AGBL5: variants seen among roughly 807,000 people sequenced by gnomAD.
AGBL5 encodes the protein AGBL carboxypeptidase 5.
In AGBL5, 51 loss-of-function variants were observed where a neutral mutation model predicts 88.0. That is an observed-to-expected ratio of 0.58 (90% CI 0.46 to 0.73). The LOEUF is 0.73. Among genes scored for constraint, AGBL5 ranks in the 30% least tolerant of loss-of-function variants. The probability of loss-of-function intolerance (pLI) is 0.00; values close to 1 mark genes in which losing one functional copy is unlikely to be tolerated. For synonymous variants in AGBL5, 446 were observed against 438.8 expected, an observed-to-expected ratio of 1.02 and a Z score of -0.21; for missense variants, 1,031 against 1,162.2, an observed-to-expected ratio of 0.89 and a Z score of 1.64.
chr2:27,053,763 C>T lies in AGBL5; in HGVS notation c.388-133C>T. The T allele has an allele frequency of 7.1e-7, 1 of 1,404,468 alleles. No homozygotes were observed. The highest frequency in any genetic ancestry group is 1.4e-5 in the South Asian group (1 of 70,290). 87.0% of individuals were successfully genotyped at this position (1,404,468 alleles called of 1,614,324 possible). ...AGGAAGCCTAGAAGGAGCCACTTTT[C>T]ATATAGAAAGTGTCACAGGGAGGGA... On this transcript the variant is annotated intron_variant, in intron 3 of 14. Transcript: ENST00000360131. This position sits in a 1 kb window ranked among gnomAD's most constrained non-coding sequence, Gnocchi z 4.9.
intron 11 of AGBL5, among the ~76,000 whole-genome samples, chr2:27,063,312 G>T (rs1405050559): frequency 6.6e-6 from 1 of 152,316 alleles, no homozygotes; most frequent in Non-Finnish European, 1.5e-5. Flanking sequence ...GCTTGTCTCG[G>T]CCGGGCGTGG....
chr2:27,069,727 C>G, intron 14 of AGBL5, 21 bp downstream of exon 14: 1 of 1,600,222 alleles, frequency 6.2e-7, no homozygotes. Flanking sequence ...GGGTCCAGTC[C>G]CTCACACCAC....
chr2:27,054,424 A>G, intron 4 of AGBL5: 1 of 592,112 alleles, frequency 1.7e-6, no homozygotes, highest in Non-Finnish European at 2.9e-6. Context: ...AAACTGGGGA[A>G]CAACAAGTTC....
intron 11 of AGBL5, 170 bp downstream of exon 11, chr2:27,059,574 A>G (rs1325123519): frequency 1.3e-5 from 19 of 1,456,690 alleles, no homozygotes; most frequent in Non-Finnish European, 1.6e-5. Context: ...TCCCTGCGGC[A>G]TGATTCCAGA....
chr2:27,053,764 A>C lies in AGBL5; in HGVS notation c.388-132A>C. The C allele has an allele frequency of 1.4e-6, 2 of 1,413,448 alleles. No individual in the cohort carries two copies. Among genetic ancestry groups the C allele is most frequent in the South Asian group, 2.8e-5 (2 of 70,600 alleles). 87.6% of individuals were successfully genotyped at this position (1,413,448 alleles called of 1,614,324 possible). ...GGAAGCCTAGAAGGAGCCACTTTTC[A>C]TATAGAAAGTGTCACAGGGAGGGAA... On this transcript the variant is annotated intron_variant, in intron 3 of 14. Transcript: ENST00000360131. The surrounding 1 kb of genome is among the most constrained non-coding windows in gnomAD (Gnocchi z 4.9).
Position 27,059,562 on chromosome 2 carries a change from G to A in AGBL5, c.2089+158G>A, listed in dbSNP as rs59780024. 3,172 of 1,484,116 alleles carry A rather than the reference G, an allele frequency of 2.1e-3. 71 individuals carry two copies. In the African/African-American group the frequency reaches 0.04, roughly 19 times the overall value. The allele number at this position is 1,484,116 out of a possible 1,614,324, so 91.9% of individuals were successfully genotyped here. A position where few individuals can be genotyped will look rare whatever the true frequency, so the allele number is the denominator to read the frequency against. On this transcript the variant is annotated intron_variant, in intron 11 of 14. Transcript: ENST00000360131. ...CTGTGGCCTCTCCTACGACCTTGGT[G>A]TTCCCTGCGGCATGATTCCAGAGCG...
chr2:27,053,104 C>G lies in AGBL5; in HGVS notation c.146C>G (p.Ser49Cys), dbSNP rs758440284. ...GCCCTGACCAGTGGCATTGCCTCTT[C>G]CCCTGACTATGAATTCAACGTGTGG... ...ASALTSGIASSPDYEFNVWTR... is the reference protein window; with the variant it reads ...ASALTSGIASCPDYEFNVWTR... The change falls in exon 2 of 15, where the codon TCC becomes TGC. Residue 49 changes from serine (S) to cysteine (C), a missense_variant. Ser to Cys is a moderately radical substitution (Grantham distance 112, BLOSUM62 -1). Coordinates refer to ENST00000360131, the MANE Select transcript of AGBL5 (RefSeq NM_021831.6). The surrounding 1 kb of genome is among the most constrained non-coding windows in gnomAD (Gnocchi z 4.9). The G allele has an allele frequency of 6.2e-7, 1 of 1,612,920 alleles. No individual in the cohort carries two copies. Among genetic ancestry groups the G allele is most frequent in the East Asian group, 2.2e-5 (1 of 44,852 alleles).
intron 13 of AGBL5, 192 bp from the exon 14 acceptor site, chr2:27,069,381 A>G: frequency 1.0e-6 from 1 of 985,444 alleles, no homozygotes; most frequent in Non-Finnish European, 1.2e-6. Flanking sequence ...CTTGGAGTGC[A>G]TAGTCATGGA....
intron 1 of AGBL5, 30 bp from the exon 2 acceptor site, chr2:27,052,883 C>T: frequency 3.0e-6 from 4 of 1,335,764 alleles, no homozygotes; most frequent in Non-Finnish European, 4.0e-6. Flanking sequence ...CTTCCCTTTC[C>T]TCCTTAACCT....
intron 12 of AGBL5, 103 bp downstream of exon 12, chr2:27,067,749 T>C (rs768891922): frequency 7.7e-7 from 1 of 1,292,162 alleles, no homozygotes; most frequent in South Asian, 1.3e-5. Context: ...ACTTATCCTC[T>C]TGGTATCCTA....
chr2:27,067,899 A>C (rs1426701263), intron 12 of AGBL5: 3 of 538,954 alleles, frequency 5.6e-6, no homozygotes, highest in Non-Finnish European at 1.0e-5. Flanking sequence ...TTATCAGTTG[A>C]GGAACCTGAA....
Position 27,055,125 on chromosome 2 carries a change from T to C in AGBL5, c.780T>C (p.Phe260=), listed in dbSNP as rs17005799. The C allele has an allele frequency of 2.5e-3, 4,085 of 1,614,220 alleles. 96 individuals are homozygous for C. The African/African-American group carries it at 0.048, about 19-fold the overall frequency. The stretch of plus-strand genomic sequence containing the variant: ...ACCCAGGGGAGACTCCATCTAGCTT[T>C]GTCTTCAATGGCTTTCTGGACTTCA... ...RVHPGETPSS[F]VFNGFLDFIL... Residue 260 remains phenylalanine, a synonymous_variant, in exon 6 of 15, where the codon TTT becomes TTC. Coordinates refer to ENST00000360131, the MANE Select transcript of AGBL5 (RefSeq NM_021831.6).
In AGBL5 at chr2:27,055,945, A is replaced by C; in HGVS notation, c.1172A>C (p.Gln391Pro). 1.2e-6 allele frequency: 2 copies of C among 1,614,250 alleles called. No individual in the cohort carries two copies. Among genetic ancestry groups the C allele is most frequent in the Non-Finnish European group, 1.7e-6 (2 of 1,180,046 alleles). Residue 391 changes from glutamine to proline, a missense_variant, in exon 7 of 15, where the codon CAA (glutamine) becomes CCA (proline). By Grantham distance (76) the Gln-to-Pro change is moderately conservative. Transcript: ENST00000360131. The stretch of plus-strand genomic sequence containing the variant: ...AGGCATAACGCTGAAGCCTGGAAAC[A>C]AACAGAGCCAGCAGAACAGAAGCTC... ...ADRHNAEAWK[Q>P]TEPAEQKLNS...
At chr2:27,057,744 C>A (rs556193794) in intron 9 of AGBL5, among the ~76,000 whole-genome samples, 3 of 152,290 alleles carry the variant, frequency 2.0e-5, no homozygotes, top group South Asian at 2.1e-4. Context: ...CTCAAAAGCA[C>A]CCTGACTGTA....
chr2:27,060,396 A>G (rs2148288332), intron 11 of AGBL5, among the ~76,000 whole-genome samples: 1 of 152,332 alleles, frequency 6.6e-6, no homozygotes, highest in South Asian at 2.1e-4. Flanking sequence ...AGAGAAAATT[A>G]ACGGGAGTAA....
Position 27,057,407 on chromosome 2 carries a change from C to G in AGBL5, c.1640C>G (p.Pro547Arg). 1 of 1,613,654 alleles carries G rather than the reference C, an allele frequency of 6.2e-7. No homozygotes were observed. The highest frequency in any genetic ancestry group is 8.5e-7 in the Non-Finnish European group (1 of 1,179,780). The stretch of plus-strand genomic sequence containing the variant: ...AGCCCCCCTCCCCCGCCGGCTTTCC[C>G]CTCCAGATACACTGTGGAACTATTT... ...RASPPPPPAFPSRYTVELFEQ... is the reference protein window; with the variant it reads ...RASPPPPPAFRSRYTVELFEQ... The change falls in exon 9 of 15, where the codon CCC (proline) becomes CGC (arginine). Residue 547 changes from proline (P) to arginine (R), a missense_variant. Around this residue, in one of 2 missense-constraint regions of AGBL5, gnomAD observed 491 missense variants for 484.0 expected, o/e 1.01. Transcript: ENST00000360131.
chr2:27,054,900 G>C, intron 5 of AGBL5, 93 bp downstream of exon 5: 1 of 1,522,800 alleles, frequency 6.6e-7, no homozygotes, highest in Non-Finnish European at 8.9e-7. Context: ...TAGGCATCTT[G>C]GACATGGCCT....
In AGBL5 at chr2:27,059,361, T is replaced by C; in HGVS notation, c.2046T>C (p.Ser682=). ...CTGCAGGGCTGCCAGGCCTGGGCTC[T>C]AGTACCCAAAAGGTCACCCACCGGG... ...SRPAGLPGLG[S]STQKVTHRVL... Residue 682 remains serine (S), a synonymous_variant, in exon 11 of 15, where the codon TCT becomes TCC. Coordinates refer to ENST00000360131, the MANE Select transcript of AGBL5 (RefSeq NM_021831.6). The C allele has an allele frequency of 6.2e-7, 1 of 1,614,222 alleles. No individual in the cohort carries two copies. Among genetic ancestry groups the C allele is most frequent in the South Asian group, 1.1e-5 (1 of 91,090 alleles).
At chr2:27,054,304 C>A in intron 4 of AGBL5, 1 of 555,874 alleles carries the variant, frequency 1.8e-6, no homozygotes, top group Non-Finnish European at 3.1e-6. Flanking sequence ...GCCCAGCTCC[C>A]ATTAATTATC....
Sources: allele counts gnomAD v4.1 joint callset (sites outside exome capture counted in the v4.1 genomes callset), GRCh38; gene constraint gnomAD v4.1.1; regional missense constraint gnomAD v4.1.1; non-coding constraint Gnocchi (gnomAD v3.1); transcripts MANE v1.5; gene names NCBI Gene and HGNC (gene_info 2026-07-23, HGNC 2026-07-21).